The following HDAC9 variants were observed in gnomAD, a reference collection of about 807,000 sequenced individuals.
The protein encoded by HDAC9 is histone deacetylase 9, also known as MEF-2 interacting transcription repressor (MITR) protein.
Under a neutral mutation model 139.4 loss-of-function variants are expected in HDAC9, and 41 were observed. That is an observed-to-expected ratio of 0.29 (90% CI 0.23 to 0.38). The LOEUF is 0.38. Ranked by LOEUF, HDAC9 falls within the 10% of genes least tolerant of loss-of-function variation. The pLI is 1.00. For missense variants in HDAC9, 1,147 were observed against 1,297.0 expected, an observed-to-expected ratio of 0.88 and a Z score of 1.78; for synonymous variants, 517 against 476.2, an observed-to-expected ratio of 1.09 and a Z score of -1.12.
chr7:18,297,684 G>C (rs750048823), intron 1 of HDAC9, among the ~76,000 whole-genome samples: 1 of 152,134 alleles, frequency 6.6e-6, no homozygotes, highest in Non-Finnish European at 1.5e-5. Context: ...ACAGTTTTTA[G>C]TCCTGATCCA....
intron 2 of HDAC9, among the ~76,000 whole-genome samples, chr7:18,582,240 T>C (rs1376351310): frequency 6.6e-6 from 1 of 152,174 alleles, no homozygotes; most frequent in African/African-American, 2.4e-5. Context: ...CTTATAGTAA[T>C]AGAGCATTAG....
chr7:18,621,838 A>G (rs1229331179), intron 6 of HDAC9, among the ~76,000 whole-genome samples: 1 of 152,184 alleles, frequency 6.6e-6, no homozygotes, highest in African/African-American at 2.4e-5. Context: ...GAAACTTTTA[A>G]TTAGAGTAAC....
At chr7:18,124,946 T>TG (rs1784566674) in intron 1 of HDAC9, among the ~76,000 whole-genome samples, 1 of 151,648 alleles carries the variant, frequency 6.6e-6, no homozygotes, top group Admixed American at 6.6e-5. Flanking sequence ...TAGATGACAG[T>TG]GGTTGTTGGG....
intron 12 of HDAC9, among the ~76,000 whole-genome samples, chr7:18,702,213 C>A (rs1783549847): frequency 1.3e-5 from 2 of 152,162 alleles, no homozygotes; most frequent in South Asian, 4.1e-4. Flanking sequence ...TCCAATTTCC[C>A]TGCATCTGCT....
chr7:18,688,908 T>A (rs955418492), intron 12 of HDAC9, among the ~76,000 whole-genome samples: 3 of 151,928 alleles, frequency 2.0e-5, no homozygotes, highest in Non-Finnish European at 2.9e-5. Context: ...CATTTTCCAC[T>A]GAAATAAGTT....
intron 1 of HDAC9, among the ~76,000 whole-genome samples, chr7:18,121,795 A>G (rs1338560446): frequency 1.3e-5 from 2 of 151,800 alleles, no homozygotes; most frequent in Non-Finnish European, 2.9e-5. Context: ...CATTCTTTTT[A>G]CAGGCATTAC....
At chr7:18,613,510 T>A (rs550021102) in intron 6 of HDAC9, among the ~76,000 whole-genome samples, 1 of 152,098 alleles carries the variant, frequency 6.6e-6, no homozygotes, top group South Asian at 2.1e-4. Context: ...GATTTTATAA[T>A]GCTTACACTC....
chr7:18,692,424 A>G (rs572471608), intron 12 of HDAC9, among the ~76,000 whole-genome samples: 2 of 152,254 alleles, frequency 1.3e-5, no homozygotes, highest in East Asian at 3.9e-4. Flanking sequence ...TTTTTATGGA[A>G]CAAACTTTTT....
chr7:18,290,304 A>G (rs546402449), upstream of HDAC9: 154 of 359,046 alleles, frequency 4.3e-4, no homozygotes, highest in South Asian at 3.3e-3. Context: ...GTTCAGTAGC[A>G]GGGCAATGAG....
In HDAC9 at chr7:18,207,559, A is replaced by ATTTTTTTTTTTTTTTTTTTT. The variant is rs1584636090; in HGVS notation, c.25+45213_25+45214insTTTTTTTTTTTTTTTTTTTT. Among the ~76,000 whole-genome samples the ATTTTTTTTTTTTTTTTTTTT allele has an allele frequency of 9.6e-4, 36 of 37,360 alleles. 1 individual carries two copies. Among genetic ancestry groups the ATTTTTTTTTTTTTTTTTTTT allele is most frequent in the African/African-American group, 1.7e-3 (16 of 9,644 alleles). The allele number at this position is 37,360 out of a possible 152,430, so 24.5% of individuals were successfully genotyped here. A position where few individuals can be genotyped will look rare whatever the true frequency, so the allele number is the denominator to read the frequency against. ...GGAGTCTTTTTTTTTTTTTTTTTTG[A>ATTTTTTTTTTTTTTTTTTTT]TTTGAGCTTTCTAGCAGCCAAAACA... is the stretch of plus-strand genomic sequence containing the variant. On this transcript the variant is annotated intron_variant, in intron 2 of 12. Transcript: ENST00000417496.
At chr7:18,889,931 C>T (rs1800527958) in intron 22 of HDAC9, among the ~76,000 whole-genome samples, 1 of 152,168 alleles carries the variant, frequency 6.6e-6, no homozygotes, top group African/African-American at 2.4e-5. Context: ...TCTTGAACTC[C>T]TGTGCTCAAG....
intron 3 of HDAC9, among the ~76,000 whole-genome samples, chr7:18,585,958 G>A (rs1453354843): frequency 6.6e-6 from 1 of 151,970 alleles, no homozygotes; most frequent in Non-Finnish European, 1.5e-5. Context: ...AAACAAACAT[G>A]GTGTATAAGT....
chr7:18,727,545 C>G, intron 12 of HDAC9, 35 bp from the exon 13 acceptor site: 1 of 1,546,918 alleles, frequency 6.5e-7, no homozygotes, highest in African/African-American at 1.4e-5. Context: ...CCTTGTCTCA[C>G]ATTTCTTTCT....
At chr7:18,170,698 C>T (rs938896167) in intron 2 of HDAC9, among the ~76,000 whole-genome samples, 1 of 152,076 alleles carries the variant, frequency 6.6e-6, no homozygotes, top group African/African-American at 2.4e-5. Context: ...ATTTATTAAA[C>T]AGGGTATCCT....
intron 2 of HDAC9, among the ~76,000 whole-genome samples, chr7:18,512,270 A>T (rs898937168): frequency 5.3e-5 from 8 of 152,176 alleles, no homozygotes; most frequent in Admixed American, 5.2e-4. Flanking sequence ...AATAAGATGT[A>T]TTAGAAATTA....
rs529501529 is a variant in HDAC9, at chr7:18,973,517, G to A, written c.3023-2289G>A. 2.0e-5 allele frequency among the ~76,000 whole-genome samples: 3 copies of A among 152,214 alleles called. No individual in the cohort carries two copies. The East Asian group carries it at 5.8e-4, about 29-fold the overall frequency. On this transcript the variant is annotated intron_variant, in intron 24 of 25. Transcript: ENST00000686413. ...ATAGTAGCGGACACCCATGTCAACA[G>A]GTCTTGTTGACATGGAAAGTGGGTG... is the stretch of plus-strand genomic sequence containing the variant.
At chr7:18,945,951 C>G (rs1262004272) in intron 23 of HDAC9, among the ~76,000 whole-genome samples, 1 of 136,700 alleles carries the variant, frequency 7.3e-6, no homozygotes, top group Admixed American at 8.4e-5. Flanking sequence ...GCTGGAGAAT[C>G]GGTTGAACCC....
intron 1 of HDAC9, among the ~76,000 whole-genome samples, chr7:18,155,093 C>CTTTCTTTCTTT (rs761803907): frequency 7.1e-6 from 1 of 141,694 alleles, no homozygotes; most frequent in Middle Eastern, 3.3e-3. Flanking sequence ...TTCTTTCTTT[C>CTTTCTTTCTTT]TTTTTTTTTT....
At chr7:18,680,331 G>T (rs1781806200) in intron 12 of HDAC9, among the ~76,000 whole-genome samples, 1 of 151,988 alleles carries the variant, frequency 6.6e-6, no homozygotes, top group Non-Finnish European at 1.5e-5. Flanking sequence ...ATTAAAAGTG[G>T]TGGAAAGTGA....
Sources: gnomAD v4.1 joint callset for allele counts (sites outside exome capture counted in the v4.1 genomes callset) on GRCh38, gnomAD v4.1.1 for gene constraint, MANE v1.5 for transcripts, NCBI Gene and HGNC (gene_info 2026-07-23, HGNC 2026-07-21) for gene names.